RSF1: variants seen among roughly 807,000 people sequenced by gnomAD.
RSF1 encodes remodeling and spacing factor 1, also known as HBV pX-associated protein 8.
In RSF1, 13 loss-of-function variants were observed where a neutral mutation model predicts 145.2. The ratio of observed to expected loss-of-function variants is 0.09; its 90% confidence interval spans 0.06 to 0.14. The LOEUF (loss-of-function observed/expected upper bound fraction) is 0.14, where lower values mean the gene tolerates loss of function less well. Ranked by LOEUF, RSF1 falls within the 10% of genes least tolerant of loss-of-function variation. RSF1 has a pLI of 1.00. For missense variants in RSF1, 1,517 were observed against 1,718.2 expected (o/e 0.88, Z 2.07); for synonymous variants, 577 against 592.6 (o/e 0.97, Z 0.38).
the RSF1 span, among the ~76,000 whole-genome samples, chr11:77,862,173 A>G: frequency 6.6e-5 from 10 of 152,138 alleles, no homozygotes. Context: ...GAGGGTCTAC[A>G]CTGGGAACTG....
the RSF1 span, among the ~76,000 whole-genome samples, chr11:77,836,554 C>T: frequency 2.0e-5 from 3 of 152,208 alleles, no homozygotes; most frequent in Non-Finnish European, 2.9e-5. Context: ...GTTTAAGACA[C>T]GCAGTCTGTG....
chr11:77,727,339 G>A (rs948812098), intron 4 of RSF1, among the ~76,000 whole-genome samples: 2 of 152,012 alleles, frequency 1.3e-5, no homozygotes, highest in East Asian at 1.9e-4. Flanking sequence ...CGAATGGCTC[G>A]ATCTATTTAT....
chr11:77,852,018 T>G, the RSF1 span, among the ~76,000 whole-genome samples: 2 of 152,012 alleles, frequency 1.3e-5, no homozygotes, highest in African/African-American at 4.8e-5. Flanking sequence ...TTGCTTTATC[T>G]AGTCCTCTGT....
At chr11:77,674,980 C>T (rs886128825) in intron 14 of RSF1, 56 bp downstream of exon 14, 2 of 1,426,510 alleles carry the variant, frequency 1.4e-6, no homozygotes, top group African/African-American at 1.4e-5. Context: ...GCATGAGCAA[C>T]AAGAAAAACA....
chr11:77,818,056 G>A (rs1948798711), intron 1 of RSF1, among the ~76,000 whole-genome samples: 1 of 152,070 alleles, frequency 6.6e-6, no homozygotes, highest in Non-Finnish European at 1.5e-5. Context: ...ATTATTCTAA[G>A]ATCACCTTAT....
chr11:77,845,432 C>CT, the RSF1 span, among the ~76,000 whole-genome samples: 58 of 144,270 alleles, frequency 4.0e-4, no homozygotes, highest in African/African-American at 9.1e-4. Context: ...TTTTTCTTTT[C>CT]TTTTTTTTTG....
chr11:77,828,614 T>A, the RSF1 span, among the ~76,000 whole-genome samples: 1 of 146,412 alleles, frequency 6.8e-6, no homozygotes. Flanking sequence ...GAGCTTGCAG[T>A]GAGCCAAGAT....
At chr11:77,734,944 T>C (rs1452718350) in intron 4 of RSF1, 24 of 1,594,990 alleles carry the variant, frequency 1.5e-5, no homozygotes, top group Non-Finnish European at 2.0e-5. Context: ...GGCACAGAGC[T>C]CTAGGTTGAT....
At chr11:77,682,541 A>G (rs954697329) in intron 11 of RSF1, among the ~76,000 whole-genome samples, 1 of 152,260 alleles carries the variant, frequency 6.6e-6, no homozygotes, top group African/African-American at 2.4e-5. Flanking sequence ...AACAGTGACC[A>G]TGGAAAAAAT....
intron 1 of RSF1, among the ~76,000 whole-genome samples, chr11:77,800,045 T>C (rs966783323): frequency 3.9e-5 from 6 of 152,140 alleles, no homozygotes; most frequent in African/African-American, 1.4e-4. Context: ...CGTGGGAGGC[T>C]AATGTGTGAG....
chr11:77,675,237 C>G lies in RSF1; in HGVS notation c.3361G>C (p.Val1121Leu), dbSNP rs1255206846. 6.2e-7 allele frequency: 1 copy of G among 1,612,730 alleles called. No homozygotes were observed. Among genetic ancestry groups the G allele is most frequent in the Admixed American group, 1.7e-5 (1 of 59,746 alleles). ...CTTTCATCTGGGTTTTCATCAGACA[C>G]AACAAACTCATCTTGAGATCTGTCC... ...ISDGSQDEFVVSDENPDESEE... is the reference protein window; with the variant it reads ...ISDGSQDEFVLSDENPDESEE... The change falls in exon 14 of 16, where the codon GTG becomes CTG. Residue 1121 changes from valine to leucine, a missense_variant. Physicochemically the swap from Val to Leu is conservative, Grantham distance 32. Transcript: ENST00000308488.
At position 77,820,628 on chromosome 11, in the gene RSF1, G is replaced by T; in HGVS notation, c.87C>A (p.Phe29Leu). The T allele has an allele frequency of 6.4e-7, 1 of 1,567,202 alleles. No homozygotes were observed. Among genetic ancestry groups the T allele is most frequent in the East Asian group, 2.3e-5 (1 of 42,750 alleles). The change falls in exon 1 of 16, where the codon TTC becomes TTA. Residue 29 changes from phenylalanine (F) to leucine (L), a missense_variant. Physicochemically the swap from Phe to Leu is conservative, Grantham distance 22 (BLOSUM62 0). Coordinates refer to ENST00000308488, the MANE Select transcript of RSF1 (RefSeq NM_016578.4). Reference protein sequence around the residue: ...SCPNFAVVCSFLERYGPLLDL... With the variant: ...SCPNFAVVCSLLERYGPLLDL... ...CTAGCAGCGGCCCGTAGCGCTCCAA[G>T]AAGGAGCAGACTACGGCGAAGTTGG...
intron 1 of RSF1, among the ~76,000 whole-genome samples, chr11:77,798,217 A>G (rs1422570782): frequency 6.6e-6 from 1 of 152,192 alleles, no homozygotes; most frequent in Non-Finnish European, 1.5e-5. Flanking sequence ...ACGTATGTTT[A>G]CTGCAGCATA....
At chr11:77,863,393 A>T in the RSF1 span, among the ~76,000 whole-genome samples, 1 of 152,198 alleles carries the variant, frequency 6.6e-6, no homozygotes, top group African/African-American at 2.4e-5. Context: ...GAGCCATAAC[A>T]AAACACGGAC....
the RSF1 span, among the ~76,000 whole-genome samples, chr11:77,842,826 T>G: frequency 6.6e-6 from 1 of 152,240 alleles, no homozygotes; most frequent in South Asian, 2.1e-4. Flanking sequence ...GACATTATAG[T>G]GACTTACATT....
At chr11:77,684,988 G>T (rs931182312) in intron 10 of RSF1, 117 bp downstream of exon 10, 4 of 459,488 alleles carry the variant, frequency 8.7e-6, no homozygotes, top group Admixed American at 9.2e-5. Context: ...ACTCCATCTC[G>T]AAATAAATAA....
chr11:77,857,691 A>G, the RSF1 span, among the ~76,000 whole-genome samples: 1 of 150,890 alleles, frequency 6.6e-6, no homozygotes, highest in Non-Finnish European at 1.5e-5. Context: ...CAACCCATCA[A>G]CTAAGTTGTT....
chr11:77,868,187 C>T, the RSF1 span, among the ~76,000 whole-genome samples: 1 of 151,062 alleles, frequency 6.6e-6, no homozygotes, highest in Non-Finnish European at 1.5e-5. Context: ...TCCCGAGTAG[C>T]TGGGATTACA....
intron 5 of RSF1, among the ~76,000 whole-genome samples, chr11:77,710,207 T>G (rs1274464663): frequency 6.6e-6 from 1 of 152,114 alleles, no homozygotes; most frequent in Non-Finnish European, 1.5e-5. Context: ...GCACACAAAA[T>G]GATGTTTTGA....
Sources: gnomAD v4.1 joint callset for allele counts (sites outside exome capture counted in the v4.1 genomes callset) on GRCh38, gnomAD v4.1.1 for gene constraint, MANE v1.5 for transcripts, NCBI Gene and HGNC (gene_info 2026-07-23, HGNC 2026-07-21) for gene names.